The following ANO1 variants were observed in gnomAD, a reference collection of about 807,000 sequenced individuals.
ANO1 encodes anoctamin-1.
ANO1 carries 59 observed loss-of-function variants against 124.0 expected under a neutral mutation model. The observed-to-expected ratio is 0.48, with a 90% confidence interval of 0.39 to 0.59. The LOEUF (loss-of-function observed/expected upper bound fraction) is 0.59, where lower values mean the gene tolerates loss of function less well. Ranked by LOEUF, ANO1 falls within the 20% of genes least tolerant of loss-of-function variation. The probability of loss-of-function intolerance (pLI) is 0.00; values close to 1 mark genes in which losing one functional copy is unlikely to be tolerated. For missense variants in ANO1, 1,059 were observed against 1,328.0 expected (o/e 0.80, Z 3.15); for synonymous variants, 529 against 532.0 (o/e 0.99, Z 0.08).
At chr11:70,094,184 A>G (rs2044750177) in intron 2 of ANO1, among the ~76,000 whole-genome samples, 1 of 152,172 alleles carries the variant, frequency 6.6e-6, no homozygotes, top group Admixed American at 6.5e-5. Context: ...CCAGAGGGGA[A>G]CCGCAAGTCC....
At chr11:70,086,413 G>T (rs1176251986) in intron 1 of ANO1, among the ~76,000 whole-genome samples, 1 of 152,132 alleles carries the variant, frequency 6.6e-6, no homozygotes, top group Non-Finnish European at 1.5e-5. Flanking sequence ...GCTATCTCCC[G>T]TGGCCCCCTA....
intron 1 of ANO1, among the ~76,000 whole-genome samples, chr11:70,052,584 T>C (rs1297311734): frequency 6.8e-6 from 1 of 146,348 alleles, no homozygotes; most frequent in Non-Finnish European, 1.5e-5. Flanking sequence ...CAGGGTTTTT[T>C]TCTTTTCGCC....
At chr11:70,073,951 C>T (rs2044020753), upstream of ANO1, among the ~76,000 whole-genome samples, 1 of 150,876 alleles carries the variant, frequency 6.6e-6, no homozygotes, top group Non-Finnish European at 1.5e-5. Context: ...GGTTGGCCGG[C>T]CTCTGCTCGG....
intron 1 of ANO1, among the ~76,000 whole-genome samples, chr11:70,023,764 T>A (rs1298784147): frequency 6.6e-6 from 1 of 152,186 alleles, no homozygotes; most frequent in African/African-American, 2.4e-5. Context: ...TCCCAGCATC[T>A]GCATAGGAGT....
chr11:69,975,401 C>T, the ANO1 span, among the ~76,000 whole-genome samples: 1 of 152,208 alleles, frequency 6.6e-6, no homozygotes, highest in Non-Finnish European at 1.5e-5. Context: ...GAGAGCTGCC[C>T]GTGGACCCAC....
chr11:70,161,479 C>T, intron 17 of ANO1, 117 bp downstream of exon 17: 3 of 1,399,166 alleles, frequency 2.1e-6, no homozygotes, highest in Admixed American at 1.8e-5. Flanking sequence ...CTCCCTGGTT[C>T]TCAATGGGTA....
intron 1 of ANO1, among the ~76,000 whole-genome samples, chr11:70,037,078 G>A (rs778355191): frequency 1.1e-4 from 16 of 152,106 alleles, no homozygotes; most frequent in South Asian, 2.1e-4. Flanking sequence ...CTCATCTGTC[G>A]GCCTTTAGTG....
chr11:70,179,235 G>A (rs2048846642), intron 22 of ANO1, among the ~76,000 whole-genome samples: 1 of 152,236 alleles, frequency 6.6e-6, no homozygotes, highest in Non-Finnish European at 1.5e-5. Flanking sequence ...TGGGCTCCCA[G>A]CCGAACCGCT....
rs1044365055 is a variant in ANO1 at position 70,087,937 on chromosome 11, C to G, written c.294C>G (p.Asp98Glu). 1.9e-6 allele frequency: 3 copies of G among 1,603,270 alleles called. No homozygotes were observed. The highest frequency in any genetic ancestry group is 2.6e-6 in the Non-Finnish European group (3 of 1,174,876). The change falls in exon 2 of 26, where the codon GAC becomes GAG. Residue 98 changes from aspartate to glutamate, a missense_variant. Physicochemically the swap from Asp to Glu is conservative, Grantham distance 45 (BLOSUM62 2). This residue lies in a region of ANO1 where 250 missense variants were observed against 233.1 expected (regional missense o/e 1.07). Transcript: ENST00000355303. ...CTGGGGCTCGCAGCGTCAAGCAGGA[C>G]CACCCCCTGCCGGGCAAGGGGGCGT... ...TPSGARSVKQ[D>E]HPLPGKGASL...
intron 2 of ANO1, among the ~76,000 whole-genome samples, chr11:70,099,199 C>T (rs1426663075): frequency 6.6e-6 from 1 of 152,148 alleles, no homozygotes; most frequent in Non-Finnish European, 1.5e-5. Context: ...TGGCTGGGGG[C>T]GAAGGGGACA....
chr11:70,175,694 G>T (rs186390718), intron 22 of ANO1, among the ~76,000 whole-genome samples: 2 of 152,196 alleles, frequency 1.3e-5, no homozygotes, highest in Non-Finnish European at 2.9e-5. Flanking sequence ...TGGTGGCCTC[G>T]CCAAGTACCT....
chr11:69,983,750 G>A (rs1855978037), upstream of ANO1, among the ~76,000 whole-genome samples: 1 of 152,190 alleles, frequency 6.6e-6, no homozygotes, highest in Admixed American at 6.5e-5. Context: ...TAAACGTCTG[G>A]GTCTTCGACT....
the ANO1 span, among the ~76,000 whole-genome samples, chr11:69,967,458 C>A: frequency 1.3e-5 from 2 of 152,242 alleles, no homozygotes; most frequent in Non-Finnish European, 2.9e-5. Context: ...TGGGGCCAGG[C>A]CCCCGCATTC....
At chr11:70,085,379 T>A in intron 1 of ANO1, 378 of 1,314,202 alleles carry the variant, frequency 2.9e-4, no homozygotes, top group East Asian at 8.9e-4. Flanking sequence ...CTAAGCACCC[T>A]CAGACTTTGT....
chr11:70,019,244 CACACACACACACACACACATTCA>C (rs1565162202), intron 1 of ANO1, among the ~76,000 whole-genome samples: 8 of 131,656 alleles, frequency 6.1e-5, no homozygotes, highest in African/African-American at 1.7e-4. Context: ...AGAACCCCCC[CACACACACACACACACACATTCA>C]CTCCCCCGTC....
In ANO1 at chr11:70,105,653, G is replaced by A; in HGVS notation, c.693-81G>A. On this transcript the variant is annotated intron_variant, in intron 4 of 25. Coordinates refer to ENST00000355303, the MANE Select transcript of ANO1 (RefSeq NM_018043.7). ...CACGGTCACGGCTAATGGGGACAGT[G>A]TGGTTTCCCAGGGCCTTGAAACCCA... is the stretch of plus-strand genomic sequence containing the variant. 3.0e-6 allele frequency: 4 copies of A among 1,324,962 alleles called. 1 individual carries two copies. Among genetic ancestry groups the A allele is most frequent in the Non-Finnish European group, 4.4e-6 (4 of 919,388 alleles). The allele number at this position is 1,324,962 out of a possible 1,614,324, so 82.1% of individuals were successfully genotyped here.
At chr11:70,111,832 C>T in intron 7 of ANO1, 70 bp downstream of exon 7, 2 of 1,507,070 alleles carry the variant, frequency 1.3e-6, no homozygotes, top group Non-Finnish European at 9.2e-7. Context: ...GCCACACCCC[C>T]CCGGGAGCTG....
intron 1 of ANO1, chr11:70,072,729 C>A (rs1052210373): frequency 6.6e-6 from 1 of 152,344 alleles, no homozygotes; most frequent in African/African-American, 2.4e-5. Context: ...AACTTTGGTG[C>A]ACTCACGCCC....
Position 70,187,835 on chromosome 11 carries a change from T to C in ANO1, c.2792T>C (p.Val931Ala). The change falls in exon 26 of 26, where the codon GTG (valine) becomes GCG (alanine). Residue 931 changes from valine (V) to alanine (A), a missense_variant. By Grantham distance (64) the Val-to-Ala change is moderately conservative. This residue lies in a region of ANO1 where 809 missense variants were observed against 1,094.9 expected (regional missense o/e 0.74). Transcript: ENST00000355303. ...QQIHKEKVLM[V>A]ELFMREEQDK... ...ATCCACAAGGAGAAGGTGCTCATGG[T>C]GGAGCTGTTCATGCGGGAGGAGCAA... 1 of 1,609,044 alleles carries C rather than the reference T, an allele frequency of 6.2e-7. No homozygotes were observed. The highest frequency in any genetic ancestry group is 1.1e-5 in the South Asian group (1 of 89,666).
Sources: gnomAD v4.1 joint callset for allele counts (sites outside exome capture counted in the v4.1 genomes callset) on GRCh38, gnomAD v4.1.1 for gene constraint, gnomAD v4.1.1 regional missense constraint, MANE v1.5 for transcripts, NCBI Gene and HGNC (gene_info 2026-07-23, HGNC 2026-07-21) for gene names.